The following ARHGAP39 variants were observed in gnomAD, a reference collection of about 807,000 sequenced individuals.
ARHGAP39 encodes the protein Rho GTPase activating protein 39.
In ARHGAP39, 44 loss-of-function variants were observed where a neutral mutation model predicts 106.9. The observed-to-expected ratio is 0.41, with a 90% CI of 0.32 to 0.53. The LOEUF is 0.53. Ranked by LOEUF, ARHGAP39 falls within the 20% of genes least tolerant of loss-of-function variation. The probability of loss-of-function intolerance (pLI) is 0.21; values close to 1 mark genes in which losing one functional copy is unlikely to be tolerated. For missense variants in ARHGAP39, 1,496 were observed against 1,577.3 expected, an observed-to-expected ratio of 0.95 and a Z score of 0.87; for synonymous variants, 768 against 693.2, an observed-to-expected ratio of 1.11 and a Z score of -1.69.
intron 1 of ARHGAP39, among the ~76,000 whole-genome samples, chr8:144,653,596 C>T (rs770502390): frequency 6.6e-6 from 1 of 152,202 alleles, no homozygotes; most frequent in Non-Finnish European, 1.5e-5. Context: ...CTCACCCTCT[C>T]GGTCTCATCA....
intron 1 of ARHGAP39, among the ~76,000 whole-genome samples, chr8:144,606,014 G>C (rs1169195589): frequency 6.6e-6 from 1 of 152,182 alleles, no homozygotes; most frequent in Non-Finnish European, 1.5e-5. Flanking sequence ...GGGACCGTGG[G>C]ACCGTAGGAC....
chr8:144,679,939 C>T lies in ARHGAP39; in HGVS notation c.-82+5747G>A, dbSNP rs541437837. 1.2e-3 allele frequency among the ~76,000 whole-genome samples: 187 copies of T among 152,238 alleles called. 3 individuals carry two copies. The highest frequency in any genetic ancestry group is 7.2e-4 in the Admixed American group (11 of 15,290). ...AGCTTGCAGTGAGTCGAGATCGCGCCGCCGCACTCCAGCCTGGACGACAGA... is the reference window on the plus strand; with the variant it reads ...AGCTTGCAGTGAGTCGAGATCGCGCTGCCGCACTCCAGCCTGGACGACAGA... On this transcript the variant is annotated intron_variant, in intron 1 of 11. Coordinates refer to ENST00000377307, the MANE Select transcript of ARHGAP39 (RefSeq NM_025251.3). The surrounding 1 kb of genome is among the most constrained non-coding windows in gnomAD (Gnocchi z 4.7).
At chr8:144,631,654 T>C (rs192339920) in intron 1 of ARHGAP39, among the ~76,000 whole-genome samples, 2 of 152,314 alleles carry the variant, frequency 1.3e-5, no homozygotes, top group East Asian at 3.9e-4. Context: ...AGCTGGGCCA[T>C]CTGTCGGGGT....
intron 2 of ARHGAP39, among the ~76,000 whole-genome samples, chr8:144,598,122 G>A (rs1563695658): frequency 6.6e-6 from 1 of 152,238 alleles, no homozygotes; most frequent in African/African-American, 2.4e-5. Context: ...AAGTCCAGAG[G>A]GCGCCCGGCA....
intron 1 of ARHGAP39, among the ~76,000 whole-genome samples, chr8:144,621,580 G>A (rs956458647): frequency 6.6e-6 from 1 of 152,234 alleles, no homozygotes; most frequent in African/African-American, 2.4e-5. Flanking sequence ...TTGTTGGGAG[G>A]CTGAGGCAGG....
At chr8:144,655,459 C>A (rs1461290715) in intron 1 of ARHGAP39, among the ~76,000 whole-genome samples, 1 of 151,944 alleles carries the variant, frequency 6.6e-6, no homozygotes, top group Non-Finnish European at 1.5e-5. Context: ...CTGCTAGGAG[C>A]TGGGCAGATG....
At chr8:144,557,039 A>C (rs1446902119) in intron 3 of ARHGAP39, among the ~76,000 whole-genome samples, 3 of 145,154 alleles carry the variant, frequency 2.1e-5, no homozygotes, top group African/African-American at 8.2e-5. Flanking sequence ...CAAAGGCTGA[A>C]CCTTCATAGT....
In ARHGAP39 at chr8:144,605,634, C is replaced by A; in HGVS notation, c.-20G>T. The A allele has an allele frequency of 1.2e-6, 2 of 1,611,268 alleles. No homozygotes were observed. The highest frequency in any genetic ancestry group is 8.5e-7 in the Non-Finnish European group (1 of 1,179,276). On this transcript the variant is annotated 5_prime_UTR_variant, in exon 2 of 12. Transcript: ENST00000377307. ...GGACATCGCTGTTTGCTTCCGCGCC[C>A]ACGTGGACAGACGTCAGGGCACCAT...
intron 2 of ARHGAP39, among the ~76,000 whole-genome samples, chr8:144,584,948 T>C (rs1819124035): frequency 6.6e-6 from 1 of 152,196 alleles, no homozygotes; most frequent in Non-Finnish European, 1.5e-5. Flanking sequence ...AAAGCCATTC[T>C]TGACCCTTGG....
intron 6 of ARHGAP39, among the ~76,000 whole-genome samples, chr8:144,540,722 C>G (rs1490900423): frequency 3.9e-5 from 6 of 152,106 alleles, no homozygotes; most frequent in Non-Finnish European, 8.8e-5. Flanking sequence ...ATCCCACGAG[C>G]CTGAGAGGTG....
intron 6 of ARHGAP39, among the ~76,000 whole-genome samples, chr8:144,541,150 C>T (rs147378155): frequency 2.0e-5 from 3 of 152,364 alleles, no homozygotes; most frequent in Admixed American, 6.5e-5. Context: ...CGCGCCTGGA[C>T]TCCTTTGCTT....
Position 144,645,568 on chromosome 8 carries a change from G to T in ARHGAP39, c.-81-39873C>A, listed in dbSNP as rs375984865. ...CACTGAAGGGCTCCATGAGGGCAGGGCCTCCCTGCCTCACTCTGGTCTCTC... is the reference window on the plus strand; with the variant it reads ...CACTGAAGGGCTCCATGAGGGCAGGTCCTCCCTGCCTCACTCTGGTCTCTC... On this transcript the variant is annotated intron_variant, in intron 1 of 11. Transcript: ENST00000377307. This position sits in a 1 kb window ranked among gnomAD's most constrained non-coding sequence, Gnocchi z 4.4. 5.3e-5 allele frequency among the ~76,000 whole-genome samples: 8 copies of T among 152,348 alleles called. No homozygotes were observed. The East Asian group carries it at 1.5e-3, about 29-fold the overall frequency.
chr8:144,668,067 T>G (rs1194830948), intron 1 of ARHGAP39, among the ~76,000 whole-genome samples: 1 of 151,978 alleles, frequency 6.6e-6, no homozygotes, highest in Non-Finnish European at 1.5e-5. Flanking sequence ...GCTAGTGAAT[T>G]CTTGGTCCCC....
At chr8:144,692,123 T>TC in the ARHGAP39 span, among the ~76,000 whole-genome samples, 1 of 152,074 alleles carries the variant, frequency 6.6e-6, no homozygotes, top group Non-Finnish European at 1.5e-5. Context: ...CACTGTTCTC[T>TC]CCCCACAGCC....
intron 2 of ARHGAP39, among the ~76,000 whole-genome samples, chr8:144,602,938 T>C (rs1312693302): frequency 3.0e-5 from 4 of 131,624 alleles, no homozygotes; most frequent in Non-Finnish European, 6.2e-5. Flanking sequence ...TGTGTGCTCG[T>C]GTACCTGTGT....
chr8:144,601,066 G>T (rs1200092471), intron 2 of ARHGAP39, among the ~76,000 whole-genome samples: 2 of 144,696 alleles, frequency 1.4e-5, no homozygotes, highest in Non-Finnish European at 3.0e-5. Context: ...GTGCGTGCGA[G>T]CTCGTGTACC....
intron 4 of ARHGAP39, among the ~76,000 whole-genome samples, chr8:144,550,865 C>T (rs181215975): frequency 7.2e-5 from 11 of 152,318 alleles, no homozygotes; most frequent in Admixed American, 5.2e-4. Flanking sequence ...TGAAGGGCTC[C>T]GGAGTTCGGG....
At chr8:144,628,619 G>A (rs1820984281) in intron 1 of ARHGAP39, among the ~76,000 whole-genome samples, 1 of 152,182 alleles carries the variant, frequency 6.6e-6, no homozygotes, top group Non-Finnish European at 1.5e-5. Context: ...AACAAAACAA[G>A]ATCACCGATC....
In ARHGAP39 at chr8:144,684,160, G is replaced by C. The variant is rs1267409879; in HGVS notation, c.-82+1526C>G. ...TCCCCTGCCTCTCAGGAAGACAGCT[G>C]GCTACACCAAGTGCAGGGAGCGAGG... On this transcript the variant is annotated intron_variant, in intron 1 of 11. Coordinates refer to ENST00000377307, the MANE Select transcript of ARHGAP39 (RefSeq NM_025251.3). This position sits in a 1 kb window ranked among gnomAD's most constrained non-coding sequence, Gnocchi z 4.4. Among the ~76,000 whole-genome samples, 1 of 152,184 alleles carries C rather than the reference G, an allele frequency of 6.6e-6. No individual in the cohort carries two copies. The highest frequency in any genetic ancestry group is 2.4e-5 in the African/African-American group (1 of 41,444).
Sources: gnomAD v4.1 joint callset for allele counts (sites outside exome capture counted in the v4.1 genomes callset) on GRCh38, gnomAD v4.1.1 for gene constraint, Gnocchi (gnomAD v3.1) non-coding constraint, MANE v1.5 for transcripts, NCBI Gene and HGNC (gene_info 2026-07-23, HGNC 2026-07-21) for gene names.